WWOX: variants seen among roughly 807,000 people sequenced by gnomAD.
WWOX encodes the protein WW domain containing oxidoreductase.
WWOX carries 69 observed loss-of-function variants against 46.2 expected under a neutral mutation model. That is an observed-to-expected ratio of 1.49 (90% confidence interval 1.23 to 1.82). WWOX has a LOEUF of 1.82. Among genes scored for constraint, WWOX ranks in the 40% most tolerant of loss-of-function variants. WWOX has a pLI of 0.00. For missense variants in WWOX, 919 were observed against 542.6 expected, an observed-to-expected ratio of 1.69 and a Z score of -6.89; for synonymous variants, 359 against 202.6, an observed-to-expected ratio of 1.77 and a Z score of -6.56.
intron 8 of WWOX, among the ~76,000 whole-genome samples, chr16:79,133,143 G>T (rs187697890): frequency 0.018 from 2,814 of 152,272 alleles, 96 homozygotes; most frequent in African/African-American, 0.064. Context: ...CATGGTGTGT[G>T]CCCGAGTTTA....
At chr16:79,127,809 T>C (rs190800690) in intron 8 of WWOX, among the ~76,000 whole-genome samples, 2 of 152,266 alleles carry the variant, frequency 1.3e-5, no homozygotes, top group Admixed American at 6.5e-5. Flanking sequence ...AGAGTACATG[T>C]GGATGGGAAG....
intron 8 of WWOX, among the ~76,000 whole-genome samples, chr16:78,963,302 C>G (rs371228175): frequency 5.3e-5 from 8 of 151,080 alleles, no homozygotes; most frequent in Non-Finnish European, 7.4e-5. Flanking sequence ...GGCCTTATCT[C>G]TTCAAAAATA....
chr16:79,045,780 CTTTTTTTTTTTTTTTTTTTTTTTTTTTTT>C (rs770463813), intron 8 of WWOX, among the ~76,000 whole-genome samples: 1 of 54,226 alleles, frequency 1.8e-5, no homozygotes, highest in African/African-American at 5.4e-5. Context: ...TTTTCTTTTC[CTTTTTTTTTTTTTTTTTTTTTTTTTTTTT>C]TTTTTTTTTT....
intron 8 of WWOX, among the ~76,000 whole-genome samples, chr16:78,681,175 A>G (rs1262536734): frequency 6.6e-6 from 1 of 152,032 alleles, no homozygotes; most frequent in African/African-American, 2.4e-5. Context: ...CTTGAACCCG[A>G]GAGGCGGAGA....
intron 8 of WWOX, among the ~76,000 whole-genome samples, chr16:78,760,221 A>T (rs1280001518): frequency 6.6e-6 from 1 of 152,152 alleles, no homozygotes; most frequent in Non-Finnish European, 1.5e-5. Context: ...CCGTTATAAA[A>T]ACATTAGATC....
chr16:78,734,991 C>T (rs570195066), intron 8 of WWOX, among the ~76,000 whole-genome samples: 6 of 150,798 alleles, frequency 4.0e-5, no homozygotes, highest in South Asian at 2.1e-4. Flanking sequence ...TCAGCCTTCC[C>T]GAGTAGCTGG....
chr16:79,053,366 A>T (rs957958092), intron 8 of WWOX, among the ~76,000 whole-genome samples: 10 of 152,156 alleles, frequency 6.6e-5, no homozygotes, highest in African/African-American at 2.4e-4. Flanking sequence ...CCTGCTTCTT[A>T]GTGCGCACGT....
chr16:78,903,532 G>T (rs1220648144), intron 8 of WWOX, among the ~76,000 whole-genome samples: 1 of 152,206 alleles, frequency 6.6e-6, no homozygotes, highest in Non-Finnish European at 1.5e-5. Flanking sequence ...CTGCCCTGCA[G>T]AAAAGGTAAG....
chr16:78,470,401 G>T (rs181008392), intron 8 of WWOX, among the ~76,000 whole-genome samples: 38 of 152,254 alleles, frequency 2.5e-4, no homozygotes, highest in Middle Eastern at 3.4e-3. Context: ...TCCCCCTCAA[G>T]ATCTTTGTTT....
chr16:78,342,107 C>T (rs2081026800), intron 5 of WWOX, among the ~76,000 whole-genome samples: 2 of 121,004 alleles, frequency 1.7e-5, no homozygotes, highest in South Asian at 2.5e-4. Flanking sequence ...CAGAATGAGA[C>T]TATGTCTCAA....
chr16:78,536,810 C>T (rs1401438958), intron 8 of WWOX, among the ~76,000 whole-genome samples: 6 of 151,808 alleles, frequency 4.0e-5, no homozygotes, highest in Admixed American at 3.3e-4. Context: ...TTTTAATTTC[C>T]ATGTCTGTGT....
At chr16:78,568,505 G>C (rs561854635) in intron 8 of WWOX, among the ~76,000 whole-genome samples, 1 of 134,402 alleles carries the variant, frequency 7.4e-6, no homozygotes, top group African/African-American at 2.9e-5. Context: ...AGTTGGAGTC[G>C]CACTCTTTCA....
At chr16:78,319,289 TTTC>T (rs145639658) in intron 5 of WWOX, among the ~76,000 whole-genome samples, 17,341 of 152,094 alleles carry the variant, frequency 0.11, 1,056 homozygotes, top group East Asian at 0.14. Flanking sequence ...GTTTTACTAT[TTTC>T]TTATTTATTT....
intron 8 of WWOX, among the ~76,000 whole-genome samples, chr16:78,557,500 C>T (rs1055377271): frequency 4.6e-5 from 7 of 151,968 alleles, no homozygotes; most frequent in South Asian, 2.1e-4. Context: ...TCTGGAATGC[C>T]GGAGCACTGG....
intron 8 of WWOX, among the ~76,000 whole-genome samples, chr16:78,676,538 T>C (rs1482541836): frequency 6.6e-6 from 1 of 152,142 alleles, no homozygotes; most frequent in Non-Finnish European, 1.5e-5. Context: ...ACTCAAAGTC[T>C]ACAGTCTAAA....
intron 8 of WWOX, 57 bp from the exon 9 acceptor site, chr16:79,211,551 C>A: frequency 6.2e-7 from 1 of 1,610,238 alleles, no homozygotes; most frequent in Non-Finnish European, 8.5e-7. Context: ...CGAAATGACG[C>A]CATCTCATCA....
At chr16:78,971,946 G>A (rs2046479056) in intron 8 of WWOX, among the ~76,000 whole-genome samples, 2 of 152,142 alleles carry the variant, frequency 1.3e-5, no homozygotes, top group Admixed American at 6.5e-5. Flanking sequence ...GGAGCCTCAG[G>A]CGCACACTCG....
At chr16:79,078,012 A>G (rs1020388045) in intron 8 of WWOX, 1 of 151,962 alleles carries the variant, frequency 6.6e-6, no homozygotes, top group Admixed American at 6.6e-5. Flanking sequence ...TGCCATTTTT[A>G]TCAAGGTTAG....
intron 8 of WWOX, among the ~76,000 whole-genome samples, chr16:78,770,073 C>G (rs1440056083): frequency 6.6e-6 from 1 of 151,446 alleles, no homozygotes; most frequent in Non-Finnish European, 1.5e-5. Context: ...AAGAGTAGGT[C>G]GGGCATGGTG....
Sources: gnomAD v4.1 joint callset for allele counts (sites outside exome capture counted in the v4.1 genomes callset) on GRCh38, gnomAD v4.1.1 for gene constraint, MANE v1.5 for transcripts, NCBI Gene and HGNC (gene_info 2026-07-23, HGNC 2026-07-21) for gene names.